The following PTPRN2 variants were observed in gnomAD, a reference collection of about 807,000 sequenced individuals.
PTPRN2 encodes the protein receptor-type tyrosine-protein phosphatase N2.
PTPRN2 carries 74 observed loss-of-function variants against 118.8 expected under a neutral mutation model. That is an observed-to-expected ratio of 0.62 (90% CI 0.52 to 0.76). The LOEUF is 0.76. Among genes scored for constraint, PTPRN2 ranks in the 30% least tolerant of loss-of-function variants. The probability of loss-of-function intolerance (pLI) is 0.00; values close to 1 mark genes in which losing one functional copy is unlikely to be tolerated. For missense variants in PTPRN2, 1,481 were observed against 1,394.4 expected, an observed-to-expected ratio of 1.06 and a Z score of -0.99; for synonymous variants, 641 against 608.0, an observed-to-expected ratio of 1.05 and a Z score of -0.80.
At chr7:158,057,109 C>G (rs749468142) in intron 11 of PTPRN2, among the ~76,000 whole-genome samples, 2 of 152,242 alleles carry the variant, frequency 1.3e-5, no homozygotes, top group African/African-American at 4.8e-5. Context: ...TTCCGCTCAG[C>G]ACCTGTGGAC....
intron 2 of PTPRN2, among the ~76,000 whole-genome samples, chr7:158,481,899 G>A (rs1257000981): frequency 2.0e-5 from 3 of 152,228 alleles, no homozygotes; most frequent in Non-Finnish European, 2.9e-5. Context: ...GAACACTTGC[G>A]ATTCATGGAG....
intron 1 of PTPRN2, among the ~76,000 whole-genome samples, chr7:158,510,163 G>C (rs760680446): frequency 2.6e-5 from 4 of 152,180 alleles, no homozygotes; most frequent in Admixed American, 1.3e-4. Context: ...CCTGGTGTGC[G>C]GGGACACATT....
intron 2 of PTPRN2, among the ~76,000 whole-genome samples, chr7:158,333,801 G>A (rs1392647887): frequency 6.9e-6 from 1 of 144,234 alleles, no homozygotes; most frequent in East Asian, 2.1e-4. Context: ...CACCATAAGA[G>A]CTGAGGCCCA....
intron 14 of PTPRN2, among the ~76,000 whole-genome samples, chr7:157,625,882 A>G (rs1304031085): frequency 6.6e-6 from 1 of 152,208 alleles, no homozygotes; most frequent in Non-Finnish European, 1.5e-5. Context: ...GTAGAAAAGA[A>G]AAGAAAATGA....
At chr7:158,102,676 C>T (rs535344646) in intron 10 of PTPRN2, among the ~76,000 whole-genome samples, 40 of 152,192 alleles carry the variant, frequency 2.6e-4, no homozygotes, top group African/African-American at 7.7e-4. Context: ...TGCAGCTTTG[C>T]GGGTGTTGGA....
intron 12 of PTPRN2, among the ~76,000 whole-genome samples, chr7:157,752,893 G>A (rs1261941373): frequency 1.3e-5 from 2 of 152,258 alleles, no homozygotes; most frequent in African/African-American, 4.8e-5. Flanking sequence ...CCGCCTTTCA[G>A]AAGGGTTCAG....
chr7:157,714,750 TC>T, intron 12 of PTPRN2, among the ~76,000 whole-genome samples: 1 of 152,228 alleles, frequency 6.6e-6, no homozygotes, highest in African/African-American at 2.4e-5. Flanking sequence ...TAAAGCCAGC[TC>T]CCCAGGGAAC....
Position 157,727,110 on chromosome 7 carries a change from C to T in PTPRN2, c.1789-44173G>A, listed in dbSNP as rs1364256647. Among the ~76,000 whole-genome samples, 6 of 152,274 alleles carry T rather than the reference C, an allele frequency of 3.9e-5. No individual in the cohort carries two copies. The East Asian group carries it at 5.8e-4, about 15-fold the overall frequency. On this transcript the variant is annotated intron_variant, in intron 12 of 22. Transcript: ENST00000389418. ...TTAGAAATGGAATTCCCATAGGAGC[C>T]GGCAGCCCTATGTCTGGGTGTCCAT...
At chr7:158,277,589 C>A (rs1439759906) in intron 3 of PTPRN2, among the ~76,000 whole-genome samples, 1 of 152,218 alleles carries the variant, frequency 6.6e-6, no homozygotes, top group Non-Finnish European at 1.5e-5. Context: ...GCCAGAAGCA[C>A]CCCTTGAAGG....
chr7:157,725,424 C>T (rs1231244876), intron 12 of PTPRN2, among the ~76,000 whole-genome samples: 1 of 96,832 alleles, frequency 1.0e-5, no homozygotes, highest in Non-Finnish European at 2.2e-5. Flanking sequence ...TGAGCCAGAC[C>T]CTCGCCTCCC....
rs74638400 is a variant in PTPRN2 at position 158,136,203 on chromosome 7, A to G, written c.1173+452T>C. 4.8e-3 allele frequency among the ~76,000 whole-genome samples: 732 copies of G among 152,306 alleles called. 22 individuals carry two copies. The East Asian group carries it at 0.089, about 19-fold the overall frequency. On this transcript the variant is annotated intron_variant, in intron 8 of 22. Coordinates refer to ENST00000389418, the MANE Select transcript of PTPRN2 (RefSeq NM_002847.5). ...GGCCAAGGCACTGCATCTTTCATTT[A>G]TTTAATTTTATTCAATTTAAATATA...
At chr7:158,248,219 AC>A (rs1259178906) in intron 3 of PTPRN2, among the ~76,000 whole-genome samples, 1 of 152,058 alleles carries the variant, frequency 6.6e-6, no homozygotes, top group Non-Finnish European at 1.5e-5. Flanking sequence ...TGACACTCAA[AC>A]CATCGGGCTG....
rs1305946698 is a variant in PTPRN2 at position 158,574,722 on chromosome 7, G to A, written c.112+12836C>T. On this transcript the variant is annotated intron_variant, in intron 1 of 22. Coordinates refer to ENST00000389418, the MANE Select transcript of PTPRN2 (RefSeq NM_002847.5). This position sits in a 1 kb window ranked among gnomAD's most constrained non-coding sequence, Gnocchi z 4.6. ...TAAAGTTTGTTCTGCCATAATTTAG[G>A]CCAAATTCTTCCTCTGCTACATGTG... Among the ~76,000 whole-genome samples, 1 of 152,192 alleles carries A rather than the reference G, an allele frequency of 6.6e-6. No homozygotes were observed. Among genetic ancestry groups the A allele is most frequent in the East Asian group, 1.9e-4 (1 of 5,202 alleles).
chr7:157,993,020 C>T (rs1026737648), intron 11 of PTPRN2, among the ~76,000 whole-genome samples: 14 of 152,180 alleles, frequency 9.2e-5, no homozygotes, highest in African/African-American at 2.9e-4. Flanking sequence ...TCCCTTATGA[C>T]GGAGCCCACG....
intron 11 of PTPRN2, among the ~76,000 whole-genome samples, chr7:157,906,448 C>T (rs566009724): frequency 9.2e-5 from 14 of 152,308 alleles, no homozygotes; most frequent in African/African-American, 3.4e-4. Flanking sequence ...TTCCCCATGT[C>T]GTTTTCTGAA....
At chr7:157,702,348 G>A (rs1166616447) in intron 12 of PTPRN2, among the ~76,000 whole-genome samples, 4 of 152,146 alleles carry the variant, frequency 2.6e-5, no homozygotes, top group African/African-American at 9.7e-5. Flanking sequence ...GTCGGTGCTG[G>A]TGTAACTATG....
Position 158,213,206 on chromosome 7 carries a change from TTGTGTGTGTGTG to T in PTPRN2, c.278-7945_278-7934del, listed in dbSNP as rs57665784. 2.7e-3 allele frequency among the ~76,000 whole-genome samples: 376 copies of T among 140,416 alleles called. 5 individuals carry two copies. The South Asian group carries it at 0.036, about 13-fold the overall frequency. The allele number at this position is 140,416 out of a possible 152,430, so 92.1% of individuals were successfully genotyped here. A position where few individuals can be genotyped will look rare whatever the true frequency, so the allele number is the denominator to read the frequency against. On this transcript the variant is annotated intron_variant, in intron 3 of 22. Coordinates refer to ENST00000389418, the MANE Select transcript of PTPRN2 (RefSeq NM_002847.5). ...TCTTCAAATCAGGATGGCTCTGTGC[TTGTGTGTGTGTG>T]TGTGTGTGTGTGTGTGTGTGTGTGT...
intron 12 of PTPRN2, among the ~76,000 whole-genome samples, chr7:157,872,559 T>A (rs963711898): frequency 4.6e-5 from 7 of 152,242 alleles, no homozygotes; most frequent in Non-Finnish European, 8.8e-5. Flanking sequence ...TCCCACGCTA[T>A]GTCCTCACAG....
At position 157,644,404 on chromosome 7, in the gene PTPRN2, C is replaced by A. The variant is rs79823294; in HGVS notation, c.2196+11953G>T. Reference sequence around the variant, plus strand: ...CTGCCCAGCCTGAGGGATGTCGTCACGGCAGCCCCAGCAGGCCAGGGCAGG... The same window carrying A: ...CTGCCCAGCCTGAGGGATGTCGTCAAGGCAGCCCCAGCAGGCCAGGGCAGG... On this transcript the variant is annotated intron_variant, in intron 14 of 22. Coordinates refer to ENST00000389418, the MANE Select transcript of PTPRN2 (RefSeq NM_002847.5). Among the ~76,000 whole-genome samples, 845 of 152,328 alleles carry A rather than the reference C, an allele frequency of 5.5e-3. 11 individuals are homozygous for A. Among genetic ancestry groups the A allele is most frequent in the African/African-American group, 0.019 (778 of 41,582 alleles).
Sources: allele counts gnomAD v4.1 joint callset (sites outside exome capture counted in the v4.1 genomes callset), GRCh38; gene constraint gnomAD v4.1.1; non-coding constraint Gnocchi (gnomAD v3.1); transcripts MANE v1.5; gene names NCBI Gene and HGNC (gene_info 2026-07-23, HGNC 2026-07-21).